Variants in DEPTOR observed in about 807,000 individuals in gnomAD.
DEPTOR encodes the protein DEP domain containing MTOR interacting protein.
DEPTOR carries 41 observed loss-of-function variants against 41.6 expected under a neutral mutation model. The ratio of observed to expected loss-of-function variants is 0.98; its 90% CI spans 0.77 to 1.28. DEPTOR has a LOEUF of 1.28. Ranked by LOEUF, DEPTOR falls within the 50% of genes most tolerant of loss-of-function variation. The pLI is 0.00. For synonymous variants in DEPTOR, 195 were observed against 192.3 expected, an observed-to-expected ratio of 1.01 and a Z score of -0.12; for missense variants, 514 against 527.9, an observed-to-expected ratio of 0.97 and a Z score of 0.26.
intron 1 of DEPTOR, among the ~76,000 whole-genome samples, chr8:119,918,438 C>CTTTATTTATTTA (rs796881763): frequency 6.0e-5 from 5 of 83,450 alleles, no homozygotes; most frequent in Non-Finnish European, 8.6e-5. Flanking sequence ...CATGGACCAC[C>CTTTATTTATTTA]TTTATTTATT....
intron 1 of DEPTOR, among the ~76,000 whole-genome samples, chr8:119,875,360 G>A (rs1827218519): frequency 6.6e-6 from 1 of 152,148 alleles, no homozygotes; most frequent in East Asian, 1.9e-4. Flanking sequence ...TTTGTGAGGT[G>A]CAGTCCAAGA....
At chr8:119,968,068 A>T (rs1012219481) in intron 4 of DEPTOR, among the ~76,000 whole-genome samples, 1 of 152,210 alleles carries the variant, frequency 6.6e-6, no homozygotes, top group African/African-American at 2.4e-5. Context: ...ACAGGGAAGC[A>T]CAGTGCTGGT....
intron 8 of DEPTOR, among the ~76,000 whole-genome samples, chr8:120,029,072 TAA>T (rs11413385): frequency 6.8e-6 from 1 of 146,428 alleles, no homozygotes; most frequent in Admixed American, 6.9e-5. Flanking sequence ...AAACTCCATC[TAA>T]AAAAAAAAAA....
At chr8:120,045,260 T>C (rs1333718616) in intron 8 of DEPTOR, among the ~76,000 whole-genome samples, 1 of 152,252 alleles carries the variant, frequency 6.6e-6, no homozygotes, top group Non-Finnish European at 1.5e-5. Context: ...CCTTACTTTA[T>C]GAAAGAGTGA....
At chr8:119,988,096 CT>C (rs934500446) in intron 4 of DEPTOR, among the ~76,000 whole-genome samples, 2 of 152,188 alleles carry the variant, frequency 1.3e-5, no homozygotes, top group Non-Finnish European at 1.5e-5. Flanking sequence ...AGCTCAGTGC[CT>C]GCCCAAATGG....
chr8:119,973,096 C>T (rs996327940), intron 4 of DEPTOR, among the ~76,000 whole-genome samples: 3 of 151,994 alleles, frequency 2.0e-5, no homozygotes, highest in African/African-American at 4.8e-5. Context: ...TGAGCCACCA[C>T]ACCCGGCTAA....
At chr8:119,931,961 T>TATC (rs1240647969) in intron 3 of DEPTOR, among the ~76,000 whole-genome samples, 1 of 56,324 alleles carries the variant, frequency 1.8e-5, no homozygotes, top group Non-Finnish European at 3.8e-5. Flanking sequence ...TAAAAAAGAT[T>TATC]ATTATTATTA....
chr8:120,033,855 G>A (rs1055647415), intron 8 of DEPTOR, among the ~76,000 whole-genome samples: 2 of 152,118 alleles, frequency 1.3e-5, no homozygotes, highest in Admixed American at 6.6e-5. Flanking sequence ...TAGCTTGATT[G>A]GCAACCCCAA....
intron 3 of DEPTOR, among the ~76,000 whole-genome samples, chr8:119,946,871 C>G (rs1828285506): frequency 6.6e-6 from 1 of 152,100 alleles, no homozygotes; most frequent in Admixed American, 6.6e-5. Flanking sequence ...CTTGGCTTTT[C>G]TCTGTTTCAC....
intron 1 of DEPTOR, among the ~76,000 whole-genome samples, chr8:119,918,407 C>T (rs1827841849): frequency 6.6e-6 from 1 of 152,064 alleles, no homozygotes; most frequent in Admixed American, 6.6e-5. Context: ...TTCACAGAGC[C>T]ATTGCTAGTG....
chr8:119,974,790 G>T (rs1355673992), intron 4 of DEPTOR, among the ~76,000 whole-genome samples: 1 of 151,778 alleles, frequency 6.6e-6, no homozygotes, highest in Non-Finnish European at 1.5e-5. Context: ...AAGGTGGGGG[G>T]GTGGGTAGTT....
At chr8:119,991,159 G>A (rs1477978694) in intron 4 of DEPTOR, among the ~76,000 whole-genome samples, 7 of 147,192 alleles carry the variant, frequency 4.8e-5, no homozygotes, top group Non-Finnish European at 1.0e-4. Context: ...GGGTACATGC[G>A]AAGGTTTGTT....
At chr8:120,021,443 A>C (rs1026712247) in intron 8 of DEPTOR, among the ~76,000 whole-genome samples, 2 of 152,186 alleles carry the variant, frequency 1.3e-5, no homozygotes, top group African/African-American at 4.8e-5. Context: ...TATGTGTCCT[A>C]GCTCAGTAGC....
At chr8:120,029,712 A>G (rs1812857044) in intron 8 of DEPTOR, among the ~76,000 whole-genome samples, 1 of 151,980 alleles carries the variant, frequency 6.6e-6, no homozygotes, top group Non-Finnish European at 1.5e-5. Flanking sequence ...TAAAATATGG[A>G]TTTTTTTCTG....
At chr8:119,903,056 A>G (rs1372369965) in intron 1 of DEPTOR, among the ~76,000 whole-genome samples, 8 of 152,166 alleles carry the variant, frequency 5.3e-5, no homozygotes, top group East Asian at 3.9e-4. Flanking sequence ...ACAGTGCCCA[A>G]TGGACAGCAG....
intron 1 of DEPTOR, among the ~76,000 whole-genome samples, chr8:119,887,132 C>CCCCCCTCCCCT (rs1827376248): frequency 8.2e-5 from 1 of 12,144 alleles, no homozygotes; most frequent in Non-Finnish European, 1.9e-4. Flanking sequence ...TCCCCTCCCC[C>CCCCCCTCCCCT]CCCCCTCCCC....
intron 1 of DEPTOR, among the ~76,000 whole-genome samples, chr8:119,879,006 A>C (rs1219151229): frequency 6.6e-6 from 1 of 151,786 alleles, no homozygotes; most frequent in Non-Finnish European, 1.5e-5. Context: ...GCTACTCGAG[A>C]GTCTAAGGCA....
rs557805216 is a variant in DEPTOR, at chr8:119,938,887, C to CTCTCTT, written c.425+8961_425+8966dup. 2.0e-3 allele frequency among the ~76,000 whole-genome samples: 288 copies of CTCTCTT among 146,346 alleles called. 2 individuals carry two copies. The highest frequency in any genetic ancestry group is 6.9e-3 in the African/African-American group (277 of 40,348). ...TCTCCCTCTCTGCCTTCCCCTCTCT[C>CTCTCTT]TCTCTTTCTCTTTCTCTCTTTCTTT... On this transcript the variant is annotated intron_variant, in intron 3 of 8. Coordinates refer to ENST00000286234, the MANE Select transcript of DEPTOR (RefSeq NM_022783.4).
intron 8 of DEPTOR, among the ~76,000 whole-genome samples, chr8:120,040,608 T>TTA (rs1813053755): frequency 6.6e-6 from 1 of 152,128 alleles, no homozygotes; most frequent in South Asian, 2.1e-4. Context: ...TTTTTTGTAT[T>TTA]TGGTTGTGCT....
Sources: gnomAD v4.1 joint callset for allele counts (sites outside exome capture counted in the v4.1 genomes callset) on GRCh38, gnomAD v4.1.1 for gene constraint, MANE v1.5 for transcripts, NCBI Gene and HGNC (gene_info 2026-07-23, HGNC 2026-07-21) for gene names.